Variants in CSMD2 observed in about 807,000 individuals in gnomAD.
CSMD2 encodes CUB and Sushi multiple domains 2, also known as CUB and sushi domain-containing protein 2.
CSMD2 carries 130 observed loss-of-function variants against 398.5 expected under a neutral mutation model. That is an observed-to-expected ratio of 0.33 (90% CI 0.28 to 0.38). The LOEUF (loss-of-function observed/expected upper bound fraction) is 0.38. Ranked by LOEUF, CSMD2 falls within the 10% of genes least tolerant of loss-of-function variation. The probability of loss-of-function intolerance (pLI) is 1.00; values close to 1 mark genes in which losing one functional copy is unlikely to be tolerated. For synonymous variants in CSMD2, 1,828 were observed against 1,908.5 expected (o/e 0.96, Z 1.10); for missense variants, 3,829 against 4,764.9 (o/e 0.80, Z 5.78).
Position 33,646,682 on chromosome 1 carries a change from A to G in CSMD2, c.4740T>C (p.Ser1580=), listed in dbSNP as rs770346445. The change falls in exon 29 of 71, where the codon TCT becomes TCC. Residue 1580 remains serine, a synonymous_variant. Coordinates refer to ENST00000373381, the MANE Select transcript of CSMD2 (RefSeq NM_001281956.2). ...SLFLAFRSDA[S]VSNAGFVIDY... ...CAATGACGAAGCCAGCATTGCTCAC[A>G]GATGCATCGCTGCGGAAGGCGAGGA... The G allele has an allele frequency of 3.7e-6, 6 of 1,613,984 alleles. No individual in the cohort carries two copies. The Admixed American group carries it at 1.0e-4, about 27-fold the overall frequency.
intron 3 of CSMD2, among the ~76,000 whole-genome samples, chr1:34,006,002 T>C (rs1318694123): frequency 6.6e-6 from 1 of 152,206 alleles, no homozygotes; most frequent in African/African-American, 2.4e-5. Context: ...TCTCAGTGAA[T>C]CTAGATGTGG....
intron 13 of CSMD2, among the ~76,000 whole-genome samples, chr1:33,743,877 C>T (rs501699): frequency 0.41 from 62,932 of 151,984 alleles, 15,520 homozygotes; most frequent in African/African-American, 0.69. Flanking sequence ...GTCAGCACGC[C>T]CACCTAGGAT....
intron 13 of CSMD2, among the ~76,000 whole-genome samples, chr1:33,753,477 A>G (rs58960757): frequency 1.3e-3 from 195 of 152,354 alleles, no homozygotes; most frequent in African/African-American, 4.4e-3. Flanking sequence ...ACAGCATGCA[A>G]GTATGAAGAA....
intron 3 of CSMD2, among the ~76,000 whole-genome samples, chr1:33,979,908 G>A (rs1460817237): frequency 6.6e-6 from 1 of 152,192 alleles, no homozygotes; most frequent in Non-Finnish European, 1.5e-5. Flanking sequence ...TCTAGCCAGT[G>A]CTTTATAAAG....
chr1:34,087,612 T>TATA (rs71717621), intron 2 of CSMD2, among the ~76,000 whole-genome samples: 30,272 of 138,002 alleles, frequency 0.22, 3,349 homozygotes, highest in Non-Finnish European at 0.23. Context: ...GAACTTAAAG[T>TATA]ATAATAATAA....
At chr1:33,643,285 T>C (rs1257195649) in intron 29 of CSMD2, among the ~76,000 whole-genome samples, 1 of 152,194 alleles carries the variant, frequency 6.6e-6, no homozygotes, top group Non-Finnish European at 1.5e-5. Context: ...GACACATACG[T>C]CTATCACAAA....
chr1:33,868,679 C>T (rs1220751800), intron 5 of CSMD2, among the ~76,000 whole-genome samples: 1 of 152,012 alleles, frequency 6.6e-6, no homozygotes, highest in African/African-American at 2.4e-5. Context: ...GAGGTTGCAG[C>T]GAGCCCAGAT....
intron 45 of CSMD2, 93 bp from the exon 46 acceptor site, chr1:33,586,710 C>A: frequency 2.6e-6 from 2 of 781,490 alleles, no homozygotes; most frequent in South Asian, 3.0e-5. Flanking sequence ...AGAGGCGGGT[C>A]ATGTTCTGTT....
At chr1:34,094,772 G>A (rs1185152165) in intron 1 of CSMD2, among the ~76,000 whole-genome samples, 3 of 152,082 alleles carry the variant, frequency 2.0e-5, no homozygotes, top group Non-Finnish European at 2.9e-5. Flanking sequence ...GTCCTGAGTG[G>A]CCTACAAGGA....
intron 3 of CSMD2, among the ~76,000 whole-genome samples, chr1:33,987,953 C>T (rs1030850481): frequency 6.6e-6 from 1 of 152,180 alleles, no homozygotes; most frequent in African/African-American, 2.4e-5. Flanking sequence ...GATAAACTCT[C>T]CTTGTCTCCC....
At chr1:33,973,488 T>A (rs527251575) in intron 3 of CSMD2, among the ~76,000 whole-genome samples, 126 of 152,314 alleles carry the variant, frequency 8.3e-4, no homozygotes, top group African/African-American at 2.8e-3. Context: ...GAGGGGGTCC[T>A]GGGTTGAATC....
Position 33,625,139 on chromosome 1 carries a change from G to A in CSMD2, c.5412C>T (p.Gly1804=), listed in dbSNP as rs199893149. ...GAIVRFECNS[G]YALQGSPEIE... is the part of the protein sequence containing the mutation. ...TCTCTGGCGACCCCTGCAGGGCATA[G>A]CCGGAGTTGCATTCGAAGCGGACGA... Residue 1804 remains glycine, a synonymous_variant, in exon 34 of 71, where the codon GGC becomes GGT. Transcript: ENST00000373381. The A allele has an allele frequency of 2.5e-6, 4 of 1,614,008 alleles. No individual in the cohort carries two copies. In the Admixed American group the frequency reaches 6.7e-5, roughly 27 times the overall value.
intron 6 of CSMD2, among the ~76,000 whole-genome samples, chr1:33,836,281 G>T (rs1483830103): frequency 2.0e-5 from 3 of 152,218 alleles, no homozygotes; most frequent in African/African-American, 7.2e-5. Flanking sequence ...CTACTGGGGG[G>T]TGCCTCCCAG....
chr1:34,117,371 A>T (rs1661710565), intron 1 of CSMD2, among the ~76,000 whole-genome samples: 1 of 152,114 alleles, frequency 6.6e-6, no homozygotes, highest in South Asian at 2.1e-4. Flanking sequence ...AAATTGATAC[A>T]TTTCTAGAAA....
At chr1:34,148,366 T>C (rs1639976361) in intron 1 of CSMD2, among the ~76,000 whole-genome samples, 1 of 152,196 alleles carries the variant, frequency 6.6e-6, no homozygotes, top group Non-Finnish European at 1.5e-5. Flanking sequence ...TCAGCAATCC[T>C]TCACTCTGAA....
chr1:33,790,837 CTATCTATCATCT>C (rs1654208268), intron 11 of CSMD2, among the ~76,000 whole-genome samples: 1 of 149,922 alleles, frequency 6.7e-6, no homozygotes, highest in Non-Finnish European at 1.5e-5. Flanking sequence ...ATCTATCTAT[CTATCTATCATCT>C]ATCTATCTAT....
chr1:33,519,377 G>T lies in CSMD2; in HGVS notation c.*53+88C>A. On this transcript the variant is annotated intron_variant, in intron 70 of 70. Coordinates refer to ENST00000373381, the MANE Select transcript of CSMD2 (RefSeq NM_001281956.2). The surrounding 1 kb of genome is among the most constrained non-coding windows in gnomAD (Gnocchi z 5.6). ...CTTACTGGGTGTGTCTATGTGGTGT[G>T]TGCGACTCCGTTGGGTGGAGCCCCT... 1.3e-6 allele frequency: 1 copy of T among 754,284 alleles called. No homozygotes were observed. 46.7% of individuals were successfully genotyped at this position (754,284 alleles called of 1,614,324 possible).
chr1:33,650,514 G>A (rs1643699601), intron 28 of CSMD2, among the ~76,000 whole-genome samples: 1 of 148,876 alleles, frequency 6.7e-6, no homozygotes, highest in Admixed American at 6.7e-5. Flanking sequence ...ACTGCAAGGA[G>A]TTCCATCTGG....
intron 6 of CSMD2, among the ~76,000 whole-genome samples, chr1:33,835,827 C>G (rs1184256023): frequency 1.3e-5 from 2 of 151,756 alleles, no homozygotes; most frequent in Non-Finnish European, 2.9e-5. Context: ...TTTAGCTCAT[C>G]ATAGTTTAAT....
Sources: allele counts gnomAD v4.1 joint callset (sites outside exome capture counted in the v4.1 genomes callset), GRCh38; gene constraint gnomAD v4.1.1; non-coding constraint Gnocchi (gnomAD v3.1); transcripts MANE v1.5; gene names NCBI Gene and HGNC (gene_info 2026-07-23, HGNC 2026-07-21).